The following NFAM1 variants were observed in gnomAD, a reference collection of about 807,000 sequenced individuals.
NFAM1 encodes NFAT activating protein with ITAM motif 1.
Under a neutral mutation model 29.0 loss-of-function variants are expected in NFAM1, and 17 were observed. That is an observed-to-expected ratio of 0.59 (90% CI 0.40 to 0.88). The LOEUF (loss-of-function observed/expected upper bound fraction) is 0.88, where lower values mean the gene tolerates loss of function less well. Ranked by LOEUF, NFAM1 falls within the 40% of genes least tolerant of loss-of-function variation. The pLI is 0.00. For missense variants in NFAM1, 324 were observed against 344.6 expected (o/e 0.94, Z 0.47); for synonymous variants, 175 against 147.2 (o/e 1.19, Z -1.36).
chr22:42,397,522 T>C lies in NFAM1; in HGVS notation c.663+336A>G, dbSNP rs886546064. On this transcript the variant is annotated intron_variant, in intron 4 of 5. Transcript: ENST00000329021. ...AAAAACAGGAGGAAGTGGTAAGAGC[T>C]GTTTGGTCAGATGAAGGAGCTTTCT... Among the ~76,000 whole-genome samples the C allele has an allele frequency of 9.2e-5, 14 of 152,336 alleles. No homozygotes were observed. The South Asian group carries it at 1.7e-3, about 18-fold the overall frequency.
chr22:42,394,822 AG>A (rs1423394620), intron 4 of NFAM1, among the ~76,000 whole-genome samples: 1 of 152,244 alleles, frequency 6.6e-6, no homozygotes, highest in Non-Finnish European at 1.5e-5. Flanking sequence ...AAAAAAAATA[AG>A]GTATAAGGAT....
chr22:42,406,700 T>C (rs1929909975), intron 3 of NFAM1, among the ~76,000 whole-genome samples: 1 of 152,214 alleles, frequency 6.6e-6, no homozygotes, highest in East Asian at 1.9e-4. Context: ...ATATACGACC[T>C]ACTCACTGGG....
At chr22:42,403,499 G>T (rs1442108423) in intron 3 of NFAM1, among the ~76,000 whole-genome samples, 1 of 152,190 alleles carries the variant, frequency 6.6e-6, no homozygotes, top group Admixed American at 6.5e-5. Context: ...TGTATTTTTA[G>T]TACAGGTGGG....
chr22:42,415,975 G>A (rs1366013272), intron 1 of NFAM1, among the ~76,000 whole-genome samples: 1 of 152,228 alleles, frequency 6.6e-6, no homozygotes, highest in Non-Finnish European at 1.5e-5. Context: ...GGTATGGGGA[G>A]CATTGAGTTT....
At chr22:42,394,367 TA>T (rs967894907) in intron 4 of NFAM1, among the ~76,000 whole-genome samples, 11 of 151,864 alleles carry the variant, frequency 7.2e-5, no homozygotes, top group African/African-American at 2.4e-4. Context: ...CTTATTAATT[TA>T]AAAAAAAATT....
intron 3 of NFAM1, among the ~76,000 whole-genome samples, chr22:42,398,954 C>G (rs1018661433): frequency 2.0e-5 from 3 of 152,134 alleles, no homozygotes; most frequent in Admixed American, 2.0e-4. Flanking sequence ...TTTGCCGAAA[C>G]ATGGTATGTG....
chr22:42,403,132 C>T (rs1157699865), intron 3 of NFAM1, among the ~76,000 whole-genome samples: 1 of 152,050 alleles, frequency 6.6e-6, no homozygotes, highest in Non-Finnish European at 1.5e-5. Flanking sequence ...CCACCACGCC[C>T]GGCCCCCTCT....
At chr22:42,411,333 C>A in intron 2 of NFAM1, 74 bp downstream of exon 2, 2 of 1,213,702 alleles carry the variant, frequency 1.6e-6, no homozygotes, top group Non-Finnish European at 2.4e-6. Context: ...TCTCTATTTC[C>A]GATCCAAAGT....
chr22:42,437,137 TTGTC>T (rs1407575191), upstream of NFAM1: 4 of 287,594 alleles, frequency 1.4e-5, no homozygotes, highest in Admixed American at 6.8e-5. Context: ...TTTTTTCTTT[TTGTC>T]TTTTTTTTTT....
chr22:42,437,095 T>C (rs1427237204), upstream of NFAM1: 3 of 510,080 alleles, frequency 5.9e-6, no homozygotes, highest in Non-Finnish European at 7.6e-6. Context: ...ATCTTCAAGA[T>C]CTGGAAGAAA....
intron 1 of NFAM1, among the ~76,000 whole-genome samples, chr22:42,430,713 G>A (rs1930770383): frequency 6.6e-6 from 1 of 152,060 alleles, no homozygotes. Flanking sequence ...GTGGCACTGG[G>A]AATGTTTTGT....
At chr22:42,420,059 C>G (rs113621387) in intron 1 of NFAM1, among the ~76,000 whole-genome samples, 5,005 of 120,712 alleles carry the variant, frequency 0.041, 270 homozygotes, top group African/African-American at 0.15. Flanking sequence ...TACCCAGGCT[C>G]GAGTGAAATG....
At chr22:42,399,043 G>GA (rs774923956) in intron 3 of NFAM1, among the ~76,000 whole-genome samples, 3 of 152,194 alleles carry the variant, frequency 2.0e-5, no homozygotes, top group Non-Finnish European at 4.4e-5. Flanking sequence ...TATTGAAGGT[G>GA]AAATCCTGAG....
chr22:42,392,028 T>C (rs1324161254), intron 4 of NFAM1, among the ~76,000 whole-genome samples: 1 of 151,508 alleles, frequency 6.6e-6, no homozygotes, highest in Admixed American at 6.6e-5. Flanking sequence ...GACTCTGGTG[T>C]TCAGAGGAGA....
chr22:42,387,971 C>A (rs562181467), intron 4 of NFAM1, among the ~76,000 whole-genome samples: 1 of 152,220 alleles, frequency 6.6e-6, no homozygotes, highest in Non-Finnish European at 1.5e-5. Context: ...CAGATGGGAA[C>A]CCCTTGAGGG....
Position 42,396,942 on chromosome 22 carries a change from C to T in NFAM1, c.663+916G>A, listed in dbSNP as rs533845833. ...AGCCAGGGGGCGTGCACCTGGGGGG[C>T]GTGCACCTGGGGAGCGTGCACCTGG... On this transcript the variant is annotated intron_variant, in intron 4 of 5. Transcript: ENST00000329021. Among the ~76,000 whole-genome samples the T allele has an allele frequency of 4.6e-5, 7 of 152,100 alleles. No individual in the cohort carries two copies. In the South Asian group the frequency reaches 6.2e-4, roughly 14 times the overall value.
At chr22:42,417,874 C>A (rs1468333211) in intron 1 of NFAM1, among the ~76,000 whole-genome samples, 1 of 152,164 alleles carries the variant, frequency 6.6e-6, no homozygotes, top group Non-Finnish European at 1.5e-5. Flanking sequence ...GGCCCCCGCC[C>A]CGTCCCCGGG....
chr22:42,411,490 G>A lies in NFAM1; in HGVS notation c.368C>T (p.Ala123Val), dbSNP rs779980214. Reference sequence around the variant, plus strand: ...GCAGTAGTAGGTGCCAGTGGCCGATGCTCCCGGCAGCACAAGGGTGACCTG... The same window carrying A: ...GCAGTAGTAGGTGCCAGTGGCCGATACTCCCGGCAGCACAAGGGTGACCTG... ...DCQVTLVLPG[A>V]SATGTYYCSV... The change falls in exon 2 of 6, where the codon GCA (alanine) becomes GTA (valine). Residue 123 changes from alanine (A) to valine (V), a missense_variant. By Grantham distance (64) the Ala-to-Val change is moderately conservative. Coordinates refer to ENST00000329021, the MANE Select transcript of NFAM1 (RefSeq NM_145912.8). The A allele has an allele frequency of 2.5e-6, 4 of 1,614,072 alleles. No homozygotes were observed. The South Asian group carries it at 4.4e-5, about 18-fold the overall frequency.
At chr22:42,398,192 T>C (rs1011449236) in intron 3 of NFAM1, among the ~76,000 whole-genome samples, 1 of 152,144 alleles carries the variant, frequency 6.6e-6, no homozygotes, top group African/African-American at 2.4e-5. Context: ...GTGATGTCCC[T>C]GGACAGAGCA....
Sources: allele counts gnomAD v4.1 joint callset (sites outside exome capture counted in the v4.1 genomes callset), GRCh38; gene constraint gnomAD v4.1.1; transcripts MANE v1.5; gene names NCBI Gene and HGNC (gene_info 2026-07-23, HGNC 2026-07-21).